The following ADGRL3 variants were observed in gnomAD, a reference collection of about 807,000 sequenced individuals.
ADGRL3 encodes the protein calcium-independent alpha-latrotoxin receptor 3.
ADGRL3 carries 62 observed loss-of-function variants against 153.5 expected under a neutral mutation model. The ratio of observed to expected loss-of-function variants is 0.40; its 90% confidence interval spans 0.33 to 0.50. The LOEUF (loss-of-function observed/expected upper bound fraction) is 0.50, where lower values mean the gene tolerates loss of function less well. Ranked by LOEUF, ADGRL3 falls within the 20% of genes least tolerant of loss-of-function variation. ADGRL3 has a pLI of 0.47. For missense variants in ADGRL3, 1,641 were observed against 1,859.4 expected (o/e 0.88, Z 2.16); for synonymous variants, 710 against 672.5 (o/e 1.06, Z -0.86).
At chr4:62,029,630 G>A (rs1429913071) in intron 22 of ADGRL3, among the ~76,000 whole-genome samples, 1 of 151,146 alleles carries the variant, frequency 6.6e-6, no homozygotes, top group Non-Finnish European at 1.5e-5. Flanking sequence ...TGTTCTTCTG[G>A]TGAAGAGTCC....
At chr4:61,209,388 A>G (rs1344365477) in intron 1 of ADGRL3, among the ~76,000 whole-genome samples, 1 of 152,178 alleles carries the variant, frequency 6.6e-6, no homozygotes, top group East Asian at 1.9e-4. Context: ...AAGTAAATAT[A>G]AAAGTACCTG....
chr4:61,881,393 T>C (rs931853148), intron 9 of ADGRL3, among the ~76,000 whole-genome samples: 2 of 152,230 alleles, frequency 1.3e-5, no homozygotes, highest in East Asian at 3.8e-4. Flanking sequence ...TTTTCTTTTT[T>C]TTGGAAACGG....
rs1306648863 is a variant in ADGRL3 at position 62,071,975 on chromosome 4, G to A, written c.*1067G>A. The stretch of plus-strand genomic sequence containing the variant: ...CAGGACAAACTTTTATGTTTACAGG[G>A]CACGTCTGTTGTAATGCAAAGCATA... On this transcript the variant is annotated 3_prime_UTR_variant, in exon 27 of 27. Coordinates refer to ENST00000683033, the MANE Select transcript of ADGRL3 (RefSeq NM_001387552.1). 4.2e-6 allele frequency: 1 copy of A among 236,234 alleles called. No individual in the cohort carries two copies. Among genetic ancestry groups the A allele is most frequent in the East Asian group, 1.3e-4 (1 of 7,608 alleles). 14.6% of individuals were successfully genotyped at this position (236,234 alleles called of 1,614,324 possible).
chr4:61,443,018 C>T (rs1420436369), intron 2 of ADGRL3, among the ~76,000 whole-genome samples: 1 of 152,050 alleles, frequency 6.6e-6, no homozygotes, highest in Non-Finnish European at 1.5e-5. Flanking sequence ...ATAAAACAGA[C>T]TGTATAGTAA....
At chr4:61,561,471 G>T (rs1443830205) in intron 4 of ADGRL3, among the ~76,000 whole-genome samples, 2 of 152,102 alleles carry the variant, frequency 1.3e-5, no homozygotes, top group Non-Finnish European at 2.9e-5. Flanking sequence ...CTTCCAGGAA[G>T]AAAAATAAGA....
At chr4:61,507,830 A>G (rs555897619) in intron 3 of ADGRL3, among the ~76,000 whole-genome samples, 1 of 152,250 alleles carries the variant, frequency 6.6e-6, no homozygotes, top group Non-Finnish European at 1.5e-5. Flanking sequence ...TATGTGGATC[A>G]TTTTTGCTCA....
At chr4:61,634,257 C>T (rs148078548) in intron 5 of ADGRL3, among the ~76,000 whole-genome samples, 1 of 152,204 alleles carries the variant, frequency 6.6e-6, no homozygotes, top group Non-Finnish European at 1.5e-5. Flanking sequence ...ATTTCACATC[C>T]ATTAAGGGCA....
intron 9 of ADGRL3, among the ~76,000 whole-genome samples, chr4:61,831,266 C>G (rs568809849): frequency 1.3e-5 from 2 of 151,996 alleles, no homozygotes; most frequent in Admixed American, 1.3e-4. Flanking sequence ...ATTGTCATGA[C>G]CGATGGCACT....
At chr4:62,017,385 T>C (rs1189660068) in intron 21 of ADGRL3, among the ~76,000 whole-genome samples, 4 of 151,756 alleles carry the variant, frequency 2.6e-5, no homozygotes, top group Non-Finnish European at 5.9e-5. Flanking sequence ...AATTGTTTTG[T>C]ATTTTCTTGA....
At chr4:61,665,657 T>A (rs1171648004) in intron 5 of ADGRL3, among the ~76,000 whole-genome samples, 1 of 152,196 alleles carries the variant, frequency 6.6e-6, no homozygotes, top group East Asian at 1.9e-4. Context: ...ATGATATTAT[T>A]CTTATTTTTA....
intron 17 of ADGRL3, among the ~76,000 whole-genome samples, chr4:61,970,138 TA>T (rs1317283377): frequency 5.3e-4 from 80 of 152,230 alleles, no homozygotes; most frequent in African/African-American, 1.9e-3. Flanking sequence ...AAGTTGGAGA[TA>T]ATAATAGTAT....
intron 9 of ADGRL3, among the ~76,000 whole-genome samples, chr4:61,889,074 TCTTGAC>T (rs2098555095): frequency 1.3e-5 from 2 of 152,226 alleles, no homozygotes; most frequent in African/African-American, 4.8e-5. Flanking sequence ...TCCACTGCCT[TCTTGAC>T]CTAGTCCTGA....
At chr4:61,816,316 A>G (rs1363504367) in intron 9 of ADGRL3, among the ~76,000 whole-genome samples, 1 of 152,186 alleles carries the variant, frequency 6.6e-6, no homozygotes, top group Admixed American at 6.5e-5. Context: ...AATGTTTTAT[A>G]GTTAACAGGC....
chr4:61,606,491 A>G (rs1045756494), intron 5 of ADGRL3, among the ~76,000 whole-genome samples: 1 of 152,136 alleles, frequency 6.6e-6, no homozygotes, highest in African/African-American at 2.4e-5. Flanking sequence ...ACAGGTCCTC[A>G]CTGTGTCCTT....
chr4:61,441,165 T>C (rs2097524471), intron 2 of ADGRL3, among the ~76,000 whole-genome samples: 1 of 152,178 alleles, frequency 6.6e-6, no homozygotes, highest in Non-Finnish European at 1.5e-5. Flanking sequence ...TGATCTCTGA[T>C]CTGTATCTCC....
chr4:61,416,223 A>G (rs1265242164), intron 2 of ADGRL3, among the ~76,000 whole-genome samples: 6 of 152,100 alleles, frequency 3.9e-5, no homozygotes, highest in African/African-American at 1.4e-4. Flanking sequence ...ATAATGAAAT[A>G]TGTCTGTCTC....
intron 8 of ADGRL3, among the ~76,000 whole-genome samples, chr4:61,803,929 T>C (rs974494902): frequency 6.6e-6 from 1 of 152,152 alleles, no homozygotes; most frequent in African/African-American, 2.4e-5. Context: ...ATTTTAACTT[T>C]TCCAAATTCC....
At chr4:61,721,370 A>C (rs927632720) in intron 6 of ADGRL3, among the ~76,000 whole-genome samples, 1 of 152,178 alleles carries the variant, frequency 6.6e-6, no homozygotes, top group African/African-American at 2.4e-5. Context: ...TGTAAGCCCA[A>C]GGGTCCAAAA....
chr4:62,068,281 C>A lies in ADGRL3; in HGVS notation c.3832+98C>A, dbSNP rs1416632419. ...GATGATGTAGTTATTAAAAACAGTTCATCTCACAATTTAAAAACTAAAAAG... is the reference window on the plus strand; with the variant it reads ...GATGATGTAGTTATTAAAAACAGTTAATCTCACAATTTAAAAACTAAAAAG... On this transcript the variant is annotated intron_variant, in intron 26 of 26. Coordinates refer to ENST00000683033, the MANE Select transcript of ADGRL3 (RefSeq NM_001387552.1). The A allele has an allele frequency of 1.1e-5, 12 of 1,111,426 alleles. No homozygotes were observed. In the Admixed American group the frequency reaches 2.5e-4, roughly 23 times the overall value. The allele number at this position is 1,111,426 out of a possible 1,614,324, so 68.8% of individuals were successfully genotyped here. A position where few individuals can be genotyped will look rare whatever the true frequency, so the allele number is the denominator to read the frequency against.
Sources: allele counts gnomAD v4.1 joint callset (sites outside exome capture counted in the v4.1 genomes callset), GRCh38; gene constraint gnomAD v4.1.1; transcripts MANE v1.5; gene names NCBI Gene and HGNC (gene_info 2026-07-23, HGNC 2026-07-21).